Variants in KPNA7 observed in about 807,000 individuals in gnomAD.
KPNA7 encodes karyopherin subunit alpha 7.
Under a neutral mutation model 53.7 loss-of-function variants are expected in KPNA7, and 54 were observed. The ratio of observed to expected loss-of-function variants is 1.01; its 90% confidence interval spans 0.81 to 1.26. The LOEUF (loss-of-function observed/expected upper bound fraction) is 1.26, where lower values mean the gene tolerates loss of function less well. KPNA7 is among the 50% of genes most tolerant of loss of function. The pLI is 0.00. For missense variants in KPNA7, 640 were observed against 644.5 expected, an observed-to-expected ratio of 0.99 and a Z score of 0.07; for synonymous variants, 276 against 259.3, an observed-to-expected ratio of 1.06 and a Z score of -0.62.
At chr7:99,183,931 C>T (rs763712658) in intron 8 of KPNA7, among the ~76,000 whole-genome samples, 9 of 152,080 alleles carry the variant, frequency 5.9e-5, no homozygotes, top group South Asian at 2.1e-4. Context: ...CTGCAACCTC[C>T]ACCCTCCCAG....
chr7:99,149,936 C>T, the KPNA7 span, among the ~76,000 whole-genome samples: 3 of 151,532 alleles, frequency 2.0e-5, no homozygotes, highest in Non-Finnish European at 4.4e-5. Context: ...CTCAGACAGA[C>T]TGCAGGCACG....
At chr7:99,212,589 A>T (rs1436329724), upstream of KPNA7, among the ~76,000 whole-genome samples, 11 of 151,912 alleles carry the variant, frequency 7.2e-5, no homozygotes, top group East Asian at 2.1e-3. Context: ...CCCCATAAGG[A>T]AGCGTTGCTT....
chr7:99,194,347 G>A lies in KPNA7; in HGVS notation c.553+723C>T, dbSNP rs1356075629. On this transcript the variant is annotated intron_variant, in intron 5 of 10. Transcript: ENST00000327442. ...CCAAACCAAGGAGTTTTTTTTTGTT[G>A]TTGTTGTTTTGTTTTTGTTTTTGGC... is the stretch of plus-strand genomic sequence containing the variant. Among the ~76,000 whole-genome samples, 2 of 152,022 alleles carry A rather than the reference G, an allele frequency of 1.3e-5. 1 individual carries two copies. Among genetic ancestry groups the A allele is most frequent in the Admixed American group, 1.3e-4 (2 of 15,262 alleles).
the KPNA7 span, among the ~76,000 whole-genome samples, chr7:99,150,740 G>A: frequency 2.6e-5 from 4 of 152,124 alleles, no homozygotes; most frequent in African/African-American, 9.7e-5. Context: ...TCATCAAGAA[G>A]AATGGGATTT....
chr7:99,181,760 G>GTCTC, intron 9 of KPNA7, 123 bp downstream of exon 9: 1 of 823,522 alleles, frequency 1.2e-6, no homozygotes. Context: ...TCAAATTCCT[G>GTCTC]ACCTCAGGTG....
Position 99,191,711 on chromosome 7 carries a change from G to A in KPNA7, c.636+1308C>T, listed in dbSNP as rs115944967. 7.5e-3 allele frequency among the ~76,000 whole-genome samples: 1,129 copies of A among 151,054 alleles called. 12 individuals carry two copies. Among genetic ancestry groups the A allele is most frequent in the African/African-American group, 0.026 (1,074 of 41,174 alleles). On this transcript the variant is annotated intron_variant, in intron 6 of 10. Transcript: ENST00000327442. Reference sequence around the variant, plus strand: ...GTTGCCCAGGCTGGGGCACAGTGGCGCAACCTTGGCTCACTGCAACCTTCG... The same window carrying A: ...GTTGCCCAGGCTGGGGCACAGTGGCACAACCTTGGCTCACTGCAACCTTCG...
chr7:99,211,218 G>A (rs1791062070), upstream of KPNA7, among the ~76,000 whole-genome samples: 1 of 152,116 alleles, frequency 6.6e-6, no homozygotes, highest in African/African-American at 2.4e-5. Context: ...TCAGGAGTTC[G>A]AGACCAACCT....
At chr7:99,179,156 C>T (rs1479086555) in intron 9 of KPNA7, among the ~76,000 whole-genome samples, 1 of 152,130 alleles carries the variant, frequency 6.6e-6, no homozygotes, top group Non-Finnish European at 1.5e-5. Context: ...AGTCTTGACT[C>T]AGATCATTCA....
the KPNA7 span, among the ~76,000 whole-genome samples, chr7:99,153,641 G>A: frequency 2.0e-5 from 3 of 151,746 alleles, no homozygotes. Context: ...TTTACTGAAT[G>A]GAATGCATAG....
At chr7:99,179,916 T>A (rs768247152) in intron 9 of KPNA7, among the ~76,000 whole-genome samples, 3 of 152,020 alleles carry the variant, frequency 2.0e-5, no homozygotes, top group Non-Finnish European at 4.4e-5. Flanking sequence ...CAAATGAACC[T>A]AGCTAGCCTC....
intron 5 of KPNA7, among the ~76,000 whole-genome samples, chr7:99,193,577 C>T (rs935627313): frequency 3.9e-5 from 6 of 152,162 alleles, no homozygotes; most frequent in African/African-American, 1.4e-4. Context: ...GGCAAGTCAT[C>T]ACATTGTACC....
intron 10 of KPNA7, among the ~76,000 whole-genome samples, chr7:99,176,768 A>G (rs1798922974): frequency 6.6e-6 from 1 of 152,134 alleles, no homozygotes; most frequent in Non-Finnish European, 1.5e-5. Flanking sequence ...AGTCCCAGCT[A>G]CTTGGGAGCC....
the KPNA7 span, among the ~76,000 whole-genome samples, chr7:99,161,268 T>TCTCTCTCTCTCTCTCTCTCTCTCTCCCC: frequency 3.2e-5 from 4 of 123,090 alleles, no homozygotes; most frequent in African/African-American, 9.4e-5. Context: ...TCTCTCTCTC[T>TCTCTCTCTCTCTCTCTCTCTCTCTCCCC]CTGATCACTT....
chr7:99,214,446 AAAAAAC>A (rs1209609513), intron 1 of KPNA7, among the ~76,000 whole-genome samples: 79 of 145,746 alleles, frequency 5.4e-4, no homozygotes, highest in African/African-American at 1.8e-3. Flanking sequence ...CTATCTCAAA[AAAAAAC>A]AAAAAACAAA....
chr7:99,214,649 GTA>G (rs1352428521), intron 1 of KPNA7, among the ~76,000 whole-genome samples: 962 of 2,376 alleles, frequency 0.4, 383 homozygotes, highest in South Asian at 1. Context: ...GGGAGGGGAG[GTA>G]GGGAAGGGGA....
At chr7:99,213,514 A>C (rs1791130668) in intron 1 of KPNA7, among the ~76,000 whole-genome samples, 1 of 150,860 alleles carries the variant, frequency 6.6e-6, no homozygotes, top group Admixed American at 6.7e-5. Context: ...AGCAATCATA[A>C]CTCACTGCAG....
rs528128191 is a variant in KPNA7 at position 99,175,687 on chromosome 7, T to A, written c.1465-1893A>T. Among the ~76,000 whole-genome samples, 239 of 151,946 alleles carry A rather than the reference T, an allele frequency of 1.6e-3. 1 individual carries two copies. Among genetic ancestry groups the A allele is most frequent in the Non-Finnish European group, 3.0e-3 (206 of 67,962 alleles). Reference sequence around the variant, plus strand: ...AAACCACCACACCCAACTAATTTTGTATTTTTAGTAGAGACAGGGTTTCGC... The same window carrying A: ...AAACCACCACACCCAACTAATTTTGAATTTTTAGTAGAGACAGGGTTTCGC... On this transcript the variant is annotated intron_variant, in intron 10 of 10. Transcript: ENST00000327442.
upstream of KPNA7, among the ~76,000 whole-genome samples, chr7:99,210,634 G>A (rs1791042406): frequency 1.3e-5 from 2 of 152,106 alleles, no homozygotes; most frequent in South Asian, 4.1e-4. Flanking sequence ...GCCCAGGCTG[G>A]AGTGCAATAA....
At chr7:99,199,165 A>G (rs1790384513) in intron 3 of KPNA7, among the ~76,000 whole-genome samples, 1 of 151,746 alleles carries the variant, frequency 6.6e-6, no homozygotes, top group Admixed American at 6.6e-5. Context: ...CTCCAACCTT[A>G]TAAATTCAAT....
Sources: gnomAD v4.1 joint callset for allele counts (sites outside exome capture counted in the v4.1 genomes callset) on GRCh38, gnomAD v4.1.1 for gene constraint, MANE v1.5 for transcripts, NCBI Gene and HGNC (gene_info 2026-07-23, HGNC 2026-07-21) for gene names.